The following HECW1 variants were observed in gnomAD, a reference collection of about 807,000 sequenced individuals.
HECW1 encodes E3 ubiquitin-protein ligase HECW1.
A neutral mutation model predicts 182.3 loss-of-function variants in HECW1; 61 were observed. That is an observed-to-expected ratio of 0.33 (90% CI 0.27 to 0.41). The LOEUF (loss-of-function observed/expected upper bound fraction) is 0.41. Ranked by LOEUF, HECW1 falls within the 10% of genes least tolerant of loss-of-function variation. The pLI is 1.00. For synonymous variants in HECW1, 859 were observed against 832.6 expected, an observed-to-expected ratio of 1.03 and a Z score of -0.55; for missense variants, 1,739 against 2,108.9, an observed-to-expected ratio of 0.82 and a Z score of 3.44.
intron 24 of HECW1, among the ~76,000 whole-genome samples, chr7:43,536,267 T>C (rs1433238050): frequency 6.6e-6 from 1 of 152,276 alleles, no homozygotes; most frequent in Non-Finnish European, 1.5e-5. Flanking sequence ...TTTATGTGTT[T>C]CTTAAAAGTC....
At chr7:43,449,895 C>G (rs950281770) in intron 11 of HECW1, among the ~76,000 whole-genome samples, 2 of 152,230 alleles carry the variant, frequency 1.3e-5, no homozygotes, top group African/African-American at 2.4e-5. Flanking sequence ...GGCCTGCCTT[C>G]TGCATGGCTG....
chr7:43,533,143 G>T lies in HECW1; in HGVS notation c.4020-8020G>T, dbSNP rs191311599. Among the ~76,000 whole-genome samples, 480 of 152,102 alleles carry T rather than the reference G, an allele frequency of 3.2e-3. 1 individual carries two copies. The highest frequency in any genetic ancestry group is 4.9e-3 in the Non-Finnish European group (333 of 68,006). ...GGAGGCTGGTACTACTGGGCATCTA[G>T]TAGGTAGGAGTCAGAGATGCTGTTA... is the stretch of plus-strand genomic sequence containing the variant. On this transcript the variant is annotated intron_variant, in intron 24 of 29. Coordinates refer to ENST00000395891, the MANE Select transcript of HECW1 (RefSeq NM_015052.5).
rs1338324640 is a variant in HECW1 at position 43,565,047 on chromosome 7, A to G, written c.*3121A>G. ...TAAATAAGAGAAGATTTATGTTACA[A>G]CTTTGAAAAATGCTTTTAAAATTCT... is the stretch of plus-strand genomic sequence containing the variant. On this transcript the variant is annotated 3_prime_UTR_variant, in exon 30 of 30. Transcript: ENST00000395891. 5.2e-6 allele frequency: 1 copy of G among 191,822 alleles called. No homozygotes were observed. Among genetic ancestry groups the G allele is most frequent in the Non-Finnish European group, 1.1e-5 (1 of 91,892 alleles). The allele number at this position is 191,822 out of a possible 1,614,324, so 11.9% of individuals were successfully genotyped here. A position where few individuals can be genotyped will look rare whatever the true frequency, so the allele number is the denominator to read the frequency against.
At position 43,562,442 on chromosome 7, in the gene HECW1, A is replaced by C. The variant is rs2082233398; in HGVS notation, c.*516A>C. ...CTCCATCTACTTTTCCCTGTGCATA[A>C]TATCCATCCAAAGGACAACAGTGGC... On this transcript the variant is annotated 3_prime_UTR_variant, in exon 30 of 30. Coordinates refer to ENST00000395891, the MANE Select transcript of HECW1 (RefSeq NM_015052.5). 4.4e-6 allele frequency: 1 copy of C among 228,320 alleles called. No individual in the cohort carries two copies. Among genetic ancestry groups the C allele is most frequent in the East Asian group, 6.3e-5 (1 of 15,872 alleles). The allele number at this position is 228,320 out of a possible 1,614,324, so 14.1% of individuals were successfully genotyped here. A position where few individuals can be genotyped will look rare whatever the true frequency, so the allele number is the denominator to read the frequency against.
At chr7:43,223,930 C>T (rs188472142) in intron 2 of HECW1, among the ~76,000 whole-genome samples, 1 of 152,344 alleles carries the variant, frequency 6.6e-6, no homozygotes, top group Admixed American at 6.5e-5. Context: ...CACCTTCTCT[C>T]TCCTTTGATT....
intron 2 of HECW1, among the ~76,000 whole-genome samples, chr7:43,172,845 A>C (rs1791829658): frequency 6.6e-6 from 1 of 152,232 alleles, no homozygotes; most frequent in Non-Finnish European, 1.5e-5. Flanking sequence ...ACTCGTGTGT[A>C]GGAGCAGGCA....
chr7:43,450,131 A>G (rs1189919483), intron 11 of HECW1, among the ~76,000 whole-genome samples: 2 of 151,384 alleles, frequency 1.3e-5, no homozygotes, highest in East Asian at 1.9e-4. Context: ...TCTGCTTTTT[A>G]TCTACTTCCT....
intron 6 of HECW1, among the ~76,000 whole-genome samples, chr7:43,361,879 G>T (rs1282313609): frequency 1.7e-5 from 2 of 120,924 alleles, no homozygotes; most frequent in African/African-American, 6.4e-5. Flanking sequence ...AGTGGCTCAC[G>T]CCTGTAATCC....
chr7:43,274,418 G>A (rs1584279872), intron 3 of HECW1: 2 of 632,512 alleles, frequency 3.2e-6, no homozygotes, highest in East Asian at 3.0e-5. Flanking sequence ...TATGACTCCC[G>A]GAGCTGCACC....
chr7:43,270,702 C>T (rs562686293), intron 3 of HECW1, among the ~76,000 whole-genome samples: 1 of 152,226 alleles, frequency 6.6e-6, no homozygotes, highest in Non-Finnish European at 1.5e-5. Flanking sequence ...ATAGCATTTG[C>T]AGATGTTTAA....
At chr7:43,539,668 G>A (rs952889824) in intron 24 of HECW1, among the ~76,000 whole-genome samples, 1 of 188 alleles carries the variant, frequency 5.3e-3, no homozygotes, top group Middle Eastern at 0.5. Flanking sequence ...ACCTCTAAGT[G>A]CGGAACCACG....
intron 5 of HECW1, among the ~76,000 whole-genome samples, chr7:43,332,721 G>C (rs1811655731): frequency 6.6e-6 from 1 of 152,164 alleles, no homozygotes; most frequent in African/African-American, 2.4e-5. Context: ...CCCCTGGGCT[G>C]TTGTTTGGGG....
At chr7:43,218,693 C>G (rs1796661433) in intron 2 of HECW1, among the ~76,000 whole-genome samples, 1 of 152,078 alleles carries the variant, frequency 6.6e-6, no homozygotes, top group South Asian at 2.1e-4. Flanking sequence ...ATGAACAAAG[C>G]CCAAGGGAAA....
chr7:43,345,303 A>G (rs1584559016), intron 5 of HECW1, among the ~76,000 whole-genome samples: 2 of 152,378 alleles, frequency 1.3e-5, no homozygotes, highest in East Asian at 3.8e-4. Context: ...AAGCTAAAGC[A>G]GGGACATGGA....
At chr7:43,456,971 A>G (rs1274459627) in intron 13 of HECW1, among the ~76,000 whole-genome samples, 1 of 152,256 alleles carries the variant, frequency 6.6e-6, no homozygotes, top group Non-Finnish European at 1.5e-5. Context: ...CCCTGATTCC[A>G]TAATTGATAT....
intron 3 of HECW1, among the ~76,000 whole-genome samples, chr7:43,259,674 T>C (rs1477431601): frequency 6.6e-6 from 1 of 152,098 alleles, no homozygotes; most frequent in East Asian, 1.9e-4. Context: ...AAACATCTGA[T>C]GTAAATAATG....
In HECW1 at chr7:43,252,112, A is replaced by G. The variant is rs73101148; in HGVS notation, c.27+8180A>G. 5.6e-3 allele frequency among the ~76,000 whole-genome samples: 851 copies of G among 152,254 alleles called. 7 individuals carry two copies. The highest frequency in any genetic ancestry group is 0.044 in the Middle Eastern group (13 of 294). The stretch of plus-strand genomic sequence containing the variant: ...AAATGTGCATCACTATCAGAACCAT[A>G]CACCTGCGAGCCCTCTACTCAGCAT... On this transcript the variant is annotated intron_variant, in intron 3 of 29. Transcript: ENST00000395891.
intron 2 of HECW1, among the ~76,000 whole-genome samples, chr7:43,239,413 C>T (rs186700263): frequency 2.0e-5 from 3 of 152,258 alleles, no homozygotes; most frequent in African/African-American, 7.2e-5. Flanking sequence ...GCTTTCCCTT[C>T]CTTCATGTAC....
chr7:43,442,432 G>A, intron 9 of HECW1, 97 bp from the exon 10 acceptor site: 4 of 801,106 alleles, frequency 5.0e-6, no homozygotes, highest in African/African-American at 1.7e-5. Context: ...ACTTCCCTGG[G>A]CTTGCCTGCC....
Sources: allele counts gnomAD v4.1 joint callset (sites outside exome capture counted in the v4.1 genomes callset), GRCh38; gene constraint gnomAD v4.1.1; transcripts MANE v1.5; gene names NCBI Gene and HGNC (gene_info 2026-07-23, HGNC 2026-07-21).